Variants in CEP85L observed in about 807,000 individuals in gnomAD.
The protein encoded by CEP85L is centrosomal protein of 85 kDa-like.
A neutral mutation model predicts 100.3 loss-of-function variants in CEP85L; 60 were observed. That is an observed-to-expected ratio of 0.60 (90% CI 0.49 to 0.74). CEP85L has a LOEUF of 0.74. Among genes scored for constraint, CEP85L ranks in the 30% least tolerant of loss-of-function variants. The probability of loss-of-function intolerance (pLI) is 0.00; values close to 1 mark genes in which losing one functional copy is unlikely to be tolerated. For missense variants in CEP85L, 973 were observed against 936.2 expected, an observed-to-expected ratio of 1.04 and a Z score of -0.51; for synonymous variants, 319 against 322.7, an observed-to-expected ratio of 0.99 and a Z score of 0.12.
intron 2 of CEP85L, among the ~76,000 whole-genome samples, chr6:118,612,611 A>G (rs1772705736): frequency 1.5e-5 from 2 of 134,990 alleles, no homozygotes; most frequent in South Asian, 2.6e-4. Flanking sequence ...CAGTGAGCCG[A>G]GACTGCACCA....
At chr6:118,501,518 A>C in intron 5 of CEP85L, 1 of 483,724 alleles carries the variant, frequency 2.1e-6, no homozygotes, top group Non-Finnish European at 4.0e-6. Flanking sequence ...CTACTCCATC[A>C]TCATTAAACA....
At chr6:118,476,699 C>A (rs990458439) in intron 10 of CEP85L, among the ~76,000 whole-genome samples, 1 of 152,144 alleles carries the variant, frequency 6.6e-6, no homozygotes, top group African/African-American at 2.4e-5. Flanking sequence ...ATAAATAGAA[C>A]AGACTGTGTC....
intron 2 of CEP85L, among the ~76,000 whole-genome samples, chr6:118,578,514 G>A (rs7763596): frequency 0.51 from 77,738 of 151,864 alleles, 20,279 homozygotes; most frequent in Middle Eastern, 0.58. Context: ...GGCGGATCAC[G>A]AGGTCAGGAG....
At chr6:118,587,895 C>T (rs2115104854) in intron 2 of CEP85L, among the ~76,000 whole-genome samples, 1 of 152,232 alleles carries the variant, frequency 6.6e-6, no homozygotes, top group South Asian at 2.1e-4. Context: ...AAGGAAAGTT[C>T]TAAGATATGA....
chr6:118,704,330 C>T (rs1473148400), intron 1 of CEP85L, among the ~76,000 whole-genome samples: 1 of 152,078 alleles, frequency 6.6e-6, no homozygotes, highest in Non-Finnish European at 1.5e-5. Context: ...TAAAAATATC[C>T]CTGGAGCTAC....
At chr6:118,530,955 G>A (rs942807558) in intron 3 of CEP85L, among the ~76,000 whole-genome samples, 1 of 151,944 alleles carries the variant, frequency 6.6e-6, no homozygotes, top group Non-Finnish European at 1.5e-5. Flanking sequence ...CAGATTCAAT[G>A]TTATTCCTAT....
chr6:118,566,407 A>C, intron 2 of CEP85L, 91 bp from the exon 3 acceptor site: 1 of 1,095,730 alleles, frequency 9.1e-7, no homozygotes. Context: ...ATATCTGAAC[A>C]TGGTTTCATA....
chr6:118,506,154 A>G (rs1460232039), intron 5 of CEP85L, among the ~76,000 whole-genome samples: 1 of 152,240 alleles, frequency 6.6e-6, no homozygotes, highest in Non-Finnish European at 1.5e-5. Context: ...AATAGGGCGT[A>G]TGGAACGAAT....
intron 6 of CEP85L, among the ~76,000 whole-genome samples, chr6:118,490,189 G>C (rs995564246): frequency 2.6e-5 from 4 of 152,088 alleles, no homozygotes; most frequent in Non-Finnish European, 5.9e-5. Flanking sequence ...TCAGGGACTG[G>C]GGAGCAGGGA....
intron 3 of CEP85L, among the ~76,000 whole-genome samples, chr6:118,555,138 A>C (rs1407185973): frequency 6.6e-6 from 1 of 152,216 alleles, no homozygotes; most frequent in African/African-American, 2.4e-5. Flanking sequence ...TCTTCATAAA[A>C]GGTGACTACT....
chr6:118,596,776 C>T (rs1277765149), intron 2 of CEP85L, among the ~76,000 whole-genome samples: 2 of 152,170 alleles, frequency 1.3e-5, no homozygotes, highest in Non-Finnish European at 2.9e-5. Context: ...ACAGAAGTCT[C>T]GATTTCCTGT....
chr6:118,652,748 C>G (rs756591524), upstream of CEP85L: 1 of 1,543,306 alleles, frequency 6.5e-7, no homozygotes, highest in South Asian at 1.2e-5. Context: ...TTTAGTCTCC[C>G]TGTGGTAGAC....
intron 2 of CEP85L, among the ~76,000 whole-genome samples, chr6:118,621,103 C>A (rs1040016269): frequency 2.0e-5 from 3 of 152,096 alleles, no homozygotes; most frequent in African/African-American, 4.8e-5. Flanking sequence ...AAGGCAATAT[C>A]CCCTATGGCC....
intron 1 of CEP85L, among the ~76,000 whole-genome samples, chr6:118,692,688 C>G (rs1457835757): frequency 1.3e-5 from 2 of 151,562 alleles, no homozygotes; most frequent in East Asian, 1.9e-4. Flanking sequence ...ATCTAAAAAT[C>G]TATTAAGACT....
intron 2 of CEP85L, among the ~76,000 whole-genome samples, chr6:118,630,810 T>A (rs1367291295): frequency 6.6e-6 from 1 of 152,040 alleles, no homozygotes; most frequent in Non-Finnish European, 1.5e-5. Flanking sequence ...TGCAGGTGAG[T>A]GAGGGCAGCT....
intron 1 of CEP85L, chr6:118,646,949 A>T (rs1333326289): frequency 1.0e-6 from 1 of 985,276 alleles, no homozygotes; most frequent in Non-Finnish European, 1.2e-6. Context: ...GCTTCATTCA[A>T]GCCAGGAAGT....
chr6:118,706,850 C>T (rs1320775020), intron 1 of CEP85L, among the ~76,000 whole-genome samples: 2 of 152,184 alleles, frequency 1.3e-5, no homozygotes, highest in African/African-American at 4.8e-5. Context: ...TTCCCACACC[C>T]CAAAAAGACT....
At chr6:118,703,572 A>G (rs1777498218) in intron 1 of CEP85L, among the ~76,000 whole-genome samples, 1 of 152,270 alleles carries the variant, frequency 6.6e-6, no homozygotes, top group Non-Finnish European at 1.5e-5. Flanking sequence ...AAACAAAAAT[A>G]GCATATAATC....
At chr6:118,693,429 T>C (rs148157879) in intron 1 of CEP85L, among the ~76,000 whole-genome samples, 1 of 152,182 alleles carries the variant, frequency 6.6e-6, no homozygotes, top group Non-Finnish European at 1.5e-5. Flanking sequence ...TTTAATATTA[T>C]CAAAAAGTAA....
Sources: gnomAD v4.1 joint callset for allele counts (sites outside exome capture counted in the v4.1 genomes callset) on GRCh38, gnomAD v4.1.1 for gene constraint, MANE v1.5 for transcripts, NCBI Gene and HGNC (gene_info 2026-07-23, HGNC 2026-07-21) for gene names.